The following CPVL variants were observed in gnomAD, a reference collection of about 807,000 sequenced individuals.
CPVL encodes probable serine carboxypeptidase CPVL.
In CPVL, 51 loss-of-function variants were observed where a neutral mutation model predicts 63.7. That is an observed-to-expected ratio of 0.80 (90% CI 0.64 to 1.01). The LOEUF (loss-of-function observed/expected upper bound fraction) is 1.01, where lower values mean the gene tolerates loss of function less well. Ranked by LOEUF, CPVL falls within the 50% of genes least tolerant of loss-of-function variation. The probability of loss-of-function intolerance (pLI) is 0.00; values close to 1 mark genes in which losing one functional copy is unlikely to be tolerated. For missense variants in CPVL, 530 were observed against 573.1 expected (o/e 0.92, Z 0.77); for synonymous variants, 195 against 206.0 (o/e 0.95, Z 0.46).
chr7:29,180,886 T>C (rs1449026469), intron 5 of CPVL, among the ~76,000 whole-genome samples: 1 of 152,192 alleles, frequency 6.6e-6, no homozygotes, highest in East Asian at 1.9e-4. Flanking sequence ...CATGACTGCT[T>C]GCAGTGTAAT....
intron 1 of CPVL, among the ~76,000 whole-genome samples, chr7:29,130,612 T>C (rs1238644444): frequency 6.6e-6 from 1 of 152,150 alleles, no homozygotes; most frequent in Non-Finnish European, 1.5e-5. Flanking sequence ...ATGAGTAAAC[T>C]CAGTCCCAGG....
At chr7:29,075,525 A>AAT (rs1236674075) in intron 7 of CPVL, among the ~76,000 whole-genome samples, 1 of 151,028 alleles carries the variant, frequency 6.6e-6, no homozygotes, top group African/African-American at 2.4e-5. Context: ...TTCTTAAAAA[A>AAT]AAAAAAAAAA....
At chr7:29,133,126 C>T (rs1462230840) in intron 1 of CPVL, among the ~76,000 whole-genome samples, 1 of 151,334 alleles carries the variant, frequency 6.6e-6, no homozygotes, top group Non-Finnish European at 1.5e-5. Context: ...AGCCCACAGG[C>T]TGGTTCATCT....
chr7:29,125,880 A>G (rs572788642), intron 1 of CPVL, among the ~76,000 whole-genome samples: 1 of 152,322 alleles, frequency 6.6e-6, no homozygotes, highest in South Asian at 2.1e-4. Context: ...GTTTTTAGAA[A>G]CAACTCTGTA....
chr7:29,170,039 C>A (rs1026955877), intron 5 of CPVL, among the ~76,000 whole-genome samples: 1 of 151,914 alleles, frequency 6.6e-6, no homozygotes, highest in South Asian at 2.1e-4. Context: ...CCATGCCCAG[C>A]TGTGGTGTCC....
At chr7:29,149,426 G>A (rs533132707), upstream of CPVL, among the ~76,000 whole-genome samples, 5 of 151,962 alleles carry the variant, frequency 3.3e-5, no homozygotes, top group East Asian at 1.9e-4. Flanking sequence ...ACTCCTGACC[G>A]CAAGTTATCC....
At chr7:29,011,150 G>A (rs1001444070) in intron 12 of CPVL, 2 of 152,228 alleles carry the variant, frequency 1.3e-5, no homozygotes, top group African/African-American at 4.8e-5. Flanking sequence ...GATTTGGGCT[G>A]GGGAGAATCT....
At chr7:29,184,491 AGTTCC>A (rs1798470614) in exon 4 of CPVL, 1 of 152,180 alleles carries the variant, frequency 6.6e-6, no homozygotes, top group African/African-American at 2.4e-5. Context: ...CTGATGGTAT[AGTTCC>A]TGTCAAGACA....
intron 5 of CPVL, among the ~76,000 whole-genome samples, chr7:29,172,918 G>C (rs1218549224): frequency 2.0e-5 from 3 of 152,058 alleles, no homozygotes; most frequent in Non-Finnish European, 4.4e-5. Flanking sequence ...ATCACCTGAG[G>C]TTAGGAGTTT....
At chr7:29,164,779 CAAAAAAAAAAAAA>C in intron 5 of CPVL, among the ~76,000 whole-genome samples, 1 of 85,884 alleles carries the variant, frequency 1.2e-5, no homozygotes. Context: ...AGACCTGTCT[CAAAAAAAAAAAAA>C]AAAAAAAAAC....
chr7:29,072,382 G>A lies in CPVL; in HGVS notation c.651C>T (p.Ile217=). The change falls in exon 8 of 13, where the codon ATC becomes ATT. Residue 217 remains isoleucine, a synonymous_variant. Coordinates refer to ENST00000265394, the MANE Select transcript of CPVL (RefSeq NM_031311.5). ...GKYVPAIAHL[I]HSLNPVREVK... ...CCTCTCTCACAGGGTTGAGGGAATG[G>A]ATGAGGTGTGCAATGGCTGGCACAT... 6.2e-7 allele frequency: 1 copy of A among 1,614,072 alleles called. No individual in the cohort carries two copies. The highest frequency in any genetic ancestry group is 8.5e-7 in the Non-Finnish European group (1 of 1,179,940).
intron 1 of CPVL, chr7:29,191,636 G>A (rs745484447): frequency 7.2e-5 from 11 of 152,308 alleles, no homozygotes; most frequent in South Asian, 2.1e-4. Context: ...ACAAGACTCC[G>A]TTTATCCCAT....
At chr7:29,045,269 C>T (rs1179441508) in intron 11 of CPVL, among the ~76,000 whole-genome samples, 1 of 151,862 alleles carries the variant, frequency 6.6e-6, no homozygotes, top group East Asian at 1.9e-4. Flanking sequence ...GCTTAAAAAT[C>T]AAAAAAGCCC....
intron 5 of CPVL, among the ~76,000 whole-genome samples, chr7:29,162,401 C>G (rs1342331315): frequency 6.6e-6 from 1 of 152,158 alleles, no homozygotes; most frequent in Non-Finnish European, 1.5e-5. Flanking sequence ...GTGGCTCACA[C>G]CTGTAATCCC....
chr7:29,177,547 C>T (rs1191569987), intron 5 of CPVL, among the ~76,000 whole-genome samples: 3 of 150,918 alleles, frequency 2.0e-5, no homozygotes, highest in Middle Eastern at 6.8e-3. Context: ...ACCCACCGTG[C>T]CTGGCCCCCT....
At chr7:29,176,512 A>G (rs1461878125) in intron 5 of CPVL, among the ~76,000 whole-genome samples, 1 of 152,186 alleles carries the variant, frequency 6.6e-6, no homozygotes, top group African/African-American at 2.4e-5. Flanking sequence ...CTTGAATCCT[A>G]TACAAATCTA....
intron 5 of CPVL, among the ~76,000 whole-genome samples, chr7:29,160,934 C>T (rs1393385599): frequency 6.6e-6 from 1 of 152,112 alleles, no homozygotes; most frequent in East Asian, 1.9e-4. Flanking sequence ...ATATCTGTCA[C>T]CCCTGAGATA....
intron 1 of CPVL, among the ~76,000 whole-genome samples, chr7:29,133,199 A>C (rs1277869964): frequency 6.6e-6 from 1 of 152,046 alleles, no homozygotes; most frequent in Non-Finnish European, 1.5e-5. Context: ...AAGGCAAAAA[A>C]AAAAAAAACA....
chr7:29,146,352 TC>T (rs1413540904), intron 1 of CPVL, 76 bp downstream of exon 1: 22 of 537,562 alleles, frequency 4.1e-5, no homozygotes, highest in Non-Finnish European at 6.6e-5. Context: ...TGCCCCGCGC[TC>T]CCTAAGTCCG....
Sources: allele counts gnomAD v4.1 joint callset (sites outside exome capture counted in the v4.1 genomes callset), GRCh38; gene constraint gnomAD v4.1.1; transcripts MANE v1.5; gene names NCBI Gene and HGNC (gene_info 2026-07-23, HGNC 2026-07-21).